Variants in COP1 observed in about 807,000 individuals in gnomAD.
The protein encoded by COP1 is COP1 E3 ubiquitin ligase.
COP1 carries 24 observed loss-of-function variants against 101.3 expected under a neutral mutation model. That is an observed-to-expected ratio of 0.24 (90% CI 0.17 to 0.33). COP1 has a LOEUF of 0.33. Among genes scored for constraint, COP1 ranks in the 10% least tolerant of loss-of-function variants. The pLI, the probability that COP1 is intolerant of heterozygous loss-of-function variation, is 1.00. For synonymous variants in COP1, 347 were observed against 341.9 expected, an observed-to-expected ratio of 1.01 and a Z score of -0.17; for missense variants, 663 against 906.2, an observed-to-expected ratio of 0.73 and a Z score of 3.45.
chr1:176,133,523 T>C (rs999734679), intron 8 of COP1, among the ~76,000 whole-genome samples: 2 of 151,856 alleles, frequency 1.3e-5, no homozygotes, highest in African/African-American at 4.8e-5. Flanking sequence ...TTGGCCCTTT[T>C]AGTGTCTCCC....
intron 9 of COP1, among the ~76,000 whole-genome samples, chr1:176,104,888 C>T (rs1035807096): frequency 1.3e-5 from 2 of 152,134 alleles, no homozygotes; most frequent in African/African-American, 4.8e-5. Flanking sequence ...AAACTGCGTA[C>T]TTGTCATTAT....
At chr1:176,116,877 A>C (rs1686279991) in intron 8 of COP1, among the ~76,000 whole-genome samples, 196 bp from the exon 9 acceptor site, 1 of 152,204 alleles carries the variant, frequency 6.6e-6, no homozygotes, top group South Asian at 2.1e-4. Context: ...TTACCACTTC[A>C]ACCCACCACC....
chr1:176,004,277 T>C (rs1160760500), intron 15 of COP1, among the ~76,000 whole-genome samples: 1 of 146,304 alleles, frequency 6.8e-6, no homozygotes, highest in African/African-American at 2.5e-5. Context: ...TTTCTAGATA[T>C]ACAATCATGT....
intron 15 of COP1, among the ~76,000 whole-genome samples, chr1:176,012,355 A>G (rs759150365): frequency 5.5e-4 from 84 of 152,144 alleles, no homozygotes; most frequent in Non-Finnish European, 1.6e-4. Flanking sequence ...TGAACTCCTG[A>G]GCTCAAGTGA....
intron 18 of COP1, among the ~76,000 whole-genome samples, chr1:175,977,338 C>G (rs1230793137): frequency 6.6e-6 from 1 of 152,122 alleles, no homozygotes; most frequent in East Asian, 1.9e-4. Flanking sequence ...TTTCATCCCA[C>G]TAATCTGCAT....
intron 15 of COP1, among the ~76,000 whole-genome samples, chr1:175,993,768 T>C (rs1245602228): frequency 1.3e-5 from 2 of 152,150 alleles, no homozygotes; most frequent in Non-Finnish European, 2.9e-5. Context: ...CTACGTCTGA[T>C]TGGTGTACCT....
intron 14 of COP1, among the ~76,000 whole-genome samples, chr1:176,028,255 C>T (rs1333987900): frequency 6.6e-6 from 1 of 151,906 alleles, no homozygotes; most frequent in Admixed American, 6.6e-5. Context: ...AGCTTAGTTT[C>T]AATGTCAAAA....
chr1:175,999,612 G>C, intron 15 of COP1, among the ~76,000 whole-genome samples: 1 of 151,950 alleles, frequency 6.6e-6, no homozygotes, highest in East Asian at 1.9e-4. Flanking sequence ...TTGCCTTTCT[G>C]TTGGGTATAT....
chr1:176,196,351 T>A (rs1305125889), intron 1 of COP1, among the ~76,000 whole-genome samples: 1 of 151,824 alleles, frequency 6.6e-6, no homozygotes, highest in African/African-American at 2.4e-5. Flanking sequence ...AAATTAATAA[T>A]CCTCTAGCTA....
intron 18 of COP1, among the ~76,000 whole-genome samples, chr1:175,963,350 T>C (rs994853378): frequency 5.3e-5 from 8 of 152,188 alleles, no homozygotes; most frequent in Admixed American, 2.0e-4. Flanking sequence ...TTAGACACTT[T>C]ATTAGAAGTT....
chr1:176,007,786 G>C, intron 15 of COP1, among the ~76,000 whole-genome samples: 1 of 152,160 alleles, frequency 6.6e-6, no homozygotes, highest in Non-Finnish European at 1.5e-5. Context: ...AGAGGTTACT[G>C]CTGTCTTTTT....
intron 15 of COP1, among the ~76,000 whole-genome samples, chr1:176,009,921 G>A (rs1286637875): frequency 6.6e-6 from 1 of 150,814 alleles, no homozygotes; most frequent in Non-Finnish European, 1.5e-5. Context: ...TTATAAAGGA[G>A]GGTATGTCTT....
chr1:176,100,583 T>C (rs1156237227), intron 9 of COP1, among the ~76,000 whole-genome samples: 2 of 152,090 alleles, frequency 1.3e-5, no homozygotes, highest in African/African-American at 4.8e-5. Flanking sequence ...GGATGGGTAA[T>C]GTAGAAATCT....
intron 10 of COP1, 136 bp downstream of exon 10, chr1:176,085,640 A>C: frequency 2.2e-6 from 1 of 459,716 alleles, no homozygotes; most frequent in Non-Finnish European, 4.0e-6. Context: ...AAGAACCTCC[A>C]TGATGATCTG....
rs542895189 is a variant in COP1 at position 176,098,381 on chromosome 1, G to A, written c.1027-12491C>T. Among the ~76,000 whole-genome samples the A allele has an allele frequency of 9.9e-5, 15 of 152,284 alleles. No individual in the cohort carries two copies. In the East Asian group the frequency reaches 2.9e-3, roughly 29 times the overall value. ...TAATAAAAGATTATAAGAAGGTGTG[G>A]AAATGTAAATTTTTGCCTAGGGTCT... On this transcript the variant is annotated intron_variant, in intron 9 of 19. Transcript: ENST00000367669.
At chr1:176,195,578 C>A (rs1046010205) in intron 1 of COP1, among the ~76,000 whole-genome samples, 1 of 151,832 alleles carries the variant, frequency 6.6e-6, no homozygotes, top group Non-Finnish European at 1.5e-5. Context: ...GACCATGAAA[C>A]GAGTCTCTAT....
At chr1:176,110,621 T>C (rs1318795054) in intron 9 of COP1, among the ~76,000 whole-genome samples, 2 of 152,112 alleles carry the variant, frequency 1.3e-5, no homozygotes, top group Non-Finnish European at 2.9e-5. Flanking sequence ...CCTCAGAGCC[T>C]AGTAAATATG....
chr1:176,016,512 C>T (rs1665676845), intron 15 of COP1, among the ~76,000 whole-genome samples: 1 of 152,154 alleles, frequency 6.6e-6, no homozygotes, highest in African/African-American at 2.4e-5. Flanking sequence ...AACCAGACTT[C>T]AGAGGAATGA....
At position 176,139,157 on chromosome 1, in the gene COP1, CCA is replaced by C. The variant is rs1016239871; in HGVS notation, c.832-2612_832-2611del. On this transcript the variant is annotated intron_variant, in intron 6 of 19. Coordinates refer to ENST00000367669, the MANE Select transcript of COP1 (RefSeq NM_022457.7). ...TTCCCAAAAGGCAACATACAAGTGG[CCA>C]TCACACATAAAAAAATGCTCAACAT... Among the ~76,000 whole-genome samples the C allele has an allele frequency of 9.4e-4, 143 of 151,756 alleles. 1 individual carries two copies. Among genetic ancestry groups the C allele is most frequent in the African/African-American group, 3.1e-3 (127 of 41,432 alleles).
Sources: gnomAD v4.1 joint callset for allele counts (sites outside exome capture counted in the v4.1 genomes callset) on GRCh38, gnomAD v4.1.1 for gene constraint, MANE v1.5 for transcripts, NCBI Gene and HGNC (gene_info 2026-07-23, HGNC 2026-07-21) for gene names.